The following CTNNA1 variants were observed in gnomAD, a reference collection of about 807,000 sequenced individuals.
CTNNA1 encodes the protein catenin alpha 1.
CTNNA1 carries 37 observed loss-of-function variants against 98.4 expected under a neutral mutation model. The ratio of observed to expected loss-of-function variants is 0.38; its 90% CI spans 0.29 to 0.49. The LOEUF is 0.49. Among genes scored for constraint, CTNNA1 ranks in the 20% least tolerant of loss-of-function variants. The pLI, the probability that CTNNA1 is intolerant of heterozygous loss-of-function variation, is 0.95. For missense variants in CTNNA1, 761 were observed against 1,147.2 expected (o/e 0.66, Z 4.86); for synonymous variants, 404 against 413.2 (o/e 0.98, Z 0.27).
intron 8 of CTNNA1, among the ~76,000 whole-genome samples, chr5:138,886,999 T>C (rs1349472422): frequency 6.6e-6 from 1 of 152,146 alleles, no homozygotes; most frequent in Non-Finnish European, 1.5e-5. Context: ...AATTTCCTTT[T>C]GGTGAAGCAG....
At chr5:138,871,905 C>G (rs1456581120) in intron 7 of CTNNA1, 1 of 152,016 alleles carries the variant, frequency 6.6e-6, no homozygotes, top group Non-Finnish European at 1.5e-5. Context: ...AAGCCTGTTG[C>G]TAGCCAATTA....
chr5:138,827,471 G>A, intron 6 of CTNNA1, 44 bp from the exon 7 acceptor site: 1 of 1,591,788 alleles, frequency 6.3e-7, no homozygotes, highest in Non-Finnish European at 8.6e-7. Flanking sequence ...AATAAAGAAG[G>A]GAACAGAGAT....
At chr5:138,778,396 C>G (rs146083920) in intron 1 of CTNNA1, among the ~76,000 whole-genome samples, 1 of 152,062 alleles carries the variant, frequency 6.6e-6, no homozygotes, top group Non-Finnish European at 1.5e-5. Context: ...AATTTTCAGG[C>G]GAAATAACAC....
At chr5:138,872,225 A>G (rs1256103967) in intron 7 of CTNNA1, 1 of 152,638 alleles carries the variant, frequency 6.6e-6, no homozygotes, top group East Asian at 1.9e-4. Flanking sequence ...CTAGTTTAAA[A>G]CAGTTGTCTA....
chr5:138,807,816 C>T (rs930649655), intron 3 of CTNNA1, among the ~76,000 whole-genome samples: 4 of 152,050 alleles, frequency 2.6e-5, no homozygotes, highest in Non-Finnish European at 5.9e-5. Flanking sequence ...GGCGTGTTCT[C>T]GGTTCACTGC....
At chr5:138,778,236 C>T (rs182902252) in intron 1 of CTNNA1, among the ~76,000 whole-genome samples, 23 of 152,104 alleles carry the variant, frequency 1.5e-4, no homozygotes, top group African/African-American at 5.3e-4. Flanking sequence ...ACTCGTGATC[C>T]ACCCGCCTTG....
intron 7 of CTNNA1, among the ~76,000 whole-genome samples, chr5:138,854,231 T>C (rs950573880): frequency 2.0e-5 from 3 of 152,236 alleles, no homozygotes; most frequent in African/African-American, 7.2e-5. Context: ...ATGCAAGCAC[T>C]GAATGTGACT....
At chr5:138,824,343 A>G (rs1183287994) in intron 5 of CTNNA1, among the ~76,000 whole-genome samples, 187 bp from the exon 6 acceptor site, 3 of 152,190 alleles carry the variant, frequency 2.0e-5, no homozygotes, top group Non-Finnish European at 4.4e-5. Flanking sequence ...GTGTGATTCC[A>G]AAGCTCAGAA....
chr5:138,819,456 G>C (rs1348624549), intron 5 of CTNNA1, among the ~76,000 whole-genome samples: 2 of 152,200 alleles, frequency 1.3e-5, no homozygotes, highest in African/African-American at 4.8e-5. Flanking sequence ...CTCAGCCACT[G>C]TTCTGTTTCC....
intron 6 of CTNNA1, among the ~76,000 whole-genome samples, chr5:138,825,889 C>A (rs1007475163): frequency 1.3e-5 from 2 of 152,048 alleles, no homozygotes; most frequent in Admixed American, 1.3e-4. Flanking sequence ...TGTTGTTTTT[C>A]CCCCCTTCAA....
chr5:138,912,537 G>A (rs1760869869), intron 10 of CTNNA1, among the ~76,000 whole-genome samples: 1 of 152,196 alleles, frequency 6.6e-6, no homozygotes, highest in African/African-American at 2.4e-5. Flanking sequence ...GAATCTCCAT[G>A]AACAGTTGAT....
chr5:138,904,395 A>G lies in CTNNA1; in HGVS notation c.1343A>G (p.Lys448Arg). ...ATCTCAAATAATGAAGAAGGTGTAA[A>G]GCTTGTTCGAATGTCTGCAAGCCAG... ...CSISNNEEGV[K>R]LVRMSASQLE... The change falls in exon 10 of 18, where the codon AAG (lysine) becomes AGG (arginine). Residue 448 changes from lysine to arginine, a missense_variant. By Grantham distance (26) the Lys-to-Arg change is conservative. Coordinates refer to ENST00000302763, the MANE Select transcript of CTNNA1 (RefSeq NM_001903.5). 6.2e-7 allele frequency: 1 copy of G among 1,614,194 alleles called. No homozygotes were observed. Among genetic ancestry groups the G allele is most frequent in the East Asian group, 2.2e-5 (1 of 44,884 alleles).
At chr5:138,882,687 T>C (rs1381268574) in intron 7 of CTNNA1, among the ~76,000 whole-genome samples, 3 of 152,246 alleles carry the variant, frequency 2.0e-5, no homozygotes, top group African/African-American at 7.2e-5. Context: ...GTAAAAAGTT[T>C]CCTCACTACT....
At chr5:138,833,977 C>G (rs1178568112) in intron 7 of CTNNA1, among the ~76,000 whole-genome samples, 1 of 152,096 alleles carries the variant, frequency 6.6e-6, no homozygotes, top group East Asian at 1.9e-4. Flanking sequence ...GTTAATACAT[C>G]AAGTATAAAA....
intron 1 of CTNNA1, among the ~76,000 whole-genome samples, chr5:138,779,027 C>T (rs923543902): frequency 3.0e-4 from 46 of 152,176 alleles, no homozygotes; most frequent in Middle Eastern, 3.4e-3. Flanking sequence ...CACAAGCAAC[C>T]GCCACTACGC....
At chr5:138,846,571 A>C (rs1013312005) in intron 7 of CTNNA1, among the ~76,000 whole-genome samples, 1 of 152,172 alleles carries the variant, frequency 6.6e-6, no homozygotes, top group African/African-American at 2.4e-5. Flanking sequence ...TCCCATTTTG[A>C]AACACGGCCT....
At chr5:138,921,940 A>G (rs1048918909) in intron 11 of CTNNA1, among the ~76,000 whole-genome samples, 1 of 151,650 alleles carries the variant, frequency 6.6e-6, no homozygotes, top group Non-Finnish European at 1.5e-5. Flanking sequence ...TAAGCCTACT[A>G]TATAGTTTAC....
intron 3 of CTNNA1, among the ~76,000 whole-genome samples, chr5:138,793,019 C>A (rs1756545098): frequency 6.6e-6 from 1 of 152,146 alleles, no homozygotes; most frequent in African/African-American, 2.4e-5. Flanking sequence ...TTCATGTGAT[C>A]CCATTGTGGC....
At chr5:138,886,126 T>A in intron 7 of CTNNA1, 86 bp from the exon 8 acceptor site, 10 of 1,434,818 alleles carry the variant, frequency 7.0e-6, no homozygotes, top group Non-Finnish European at 8.5e-6. Context: ...GCTTTTTCAG[T>A]GTTGACATGA....
Sources: gnomAD v4.1 joint callset for allele counts (sites outside exome capture counted in the v4.1 genomes callset) on GRCh38, gnomAD v4.1.1 for gene constraint, MANE v1.5 for transcripts, NCBI Gene and HGNC (gene_info 2026-07-23, HGNC 2026-07-21) for gene names.